Variants in NDST1 observed in about 807,000 individuals in gnomAD.
The protein encoded by NDST1 is N-deacetylase and N-sulfotransferase 1.
In NDST1, 35 loss-of-function variants were observed where a neutral mutation model predicts 92.8. The ratio of observed to expected loss-of-function variants is 0.38; its 90% CI spans 0.29 to 0.50. The LOEUF (loss-of-function observed/expected upper bound fraction) is 0.50. Ranked by LOEUF, NDST1 falls within the 20% of genes least tolerant of loss-of-function variation. The pLI is 0.94. For missense variants in NDST1, 822 were observed against 1,182.7 expected (o/e 0.69, Z 4.47); for synonymous variants, 493 against 500.3 (o/e 0.99, Z 0.19).
At chr5:150,498,006 GT>G (rs1753069015) in exon 1 of NDST1, 3 of 152,536 alleles carry the variant, frequency 2.0e-5, no homozygotes, top group Non-Finnish European at 4.4e-5. Context: ...GCATTTCTGT[GT>G]TTTCTTTTTC....
chr5:150,533,118 CG>C, intron 4 of NDST1, 86 bp downstream of exon 4: 1 of 1,346,966 alleles, frequency 7.4e-7, no homozygotes, highest in Non-Finnish European at 1.1e-6. Context: ...ATGAGGGCAG[CG>C]GGTGGGTTTA....
At chr5:150,500,159 A>T (rs890274418) in intron 1 of NDST1, among the ~76,000 whole-genome samples, 1 of 152,214 alleles carries the variant, frequency 6.6e-6, no homozygotes, top group Admixed American at 6.5e-5. Flanking sequence ...GAGAGGTTGC[A>T]ATTGTTCTGG....
In NDST1 at chr5:150,513,749, C is replaced by T. The variant is rs980896002; in HGVS notation, c.-388+5523C>T. 7.2e-5 allele frequency among the ~76,000 whole-genome samples: 11 copies of T among 152,350 alleles called. No individual in the cohort carries two copies. The South Asian group carries it at 1.9e-3, about 26-fold the overall frequency. On this transcript the variant is annotated intron_variant, in intron 1 of 14. Coordinates refer to ENST00000261797, the MANE Select transcript of NDST1 (RefSeq NM_001543.5). ...CCACCCATTCATCACAGGCCCAAGC[C>T]GGACCCCCTTCCCTGGTCCCAGTCT...
rs1209242371 is a variant in NDST1 at position 150,553,494 on chromosome 5, T to C, written c.*162T>C. On this transcript the variant is annotated 3_prime_UTR_variant, in exon 15 of 15. Coordinates refer to ENST00000261797, the MANE Select transcript of NDST1 (RefSeq NM_001543.5). This position sits in a 1 kb window ranked among gnomAD's most constrained non-coding sequence, Gnocchi z 4.2. ...GGCTGGGGGAGCACCCAGGCGGATC[T>C]GCAAGCACCTCGGAGCACCCACCGC... 21 of 996,282 alleles carry C rather than the reference T, an allele frequency of 2.1e-5. No homozygotes were observed. The highest frequency in any genetic ancestry group is 3.1e-5 in the Non-Finnish European group (20 of 646,618). The allele number at this position is 996,282 out of a possible 1,614,324, so 61.7% of individuals were successfully genotyped here.
intron 1 of NDST1, among the ~76,000 whole-genome samples, chr5:150,508,508 G>A (rs1355741630): frequency 1.3e-5 from 2 of 152,174 alleles, no homozygotes; most frequent in African/African-American, 4.8e-5. Context: ...GGAGGCTGAG[G>A]GATGGGAAGG....
chr5:150,546,005 T>TC (rs1755465637), intron 11 of NDST1, among the ~76,000 whole-genome samples: 1 of 147,662 alleles, frequency 6.8e-6, no homozygotes, highest in Non-Finnish European at 1.5e-5. Flanking sequence ...TTTTTTTTTT[T>TC]TTTTTTTTTT....
chr5:150,508,370 G>C (rs1384114640), intron 1 of NDST1, 144 bp downstream of exon 1: 1 of 153,922 alleles, frequency 6.5e-6, no homozygotes, highest in Non-Finnish European at 1.4e-5. Context: ...AGGGATCTGG[G>C]GGTACAGGCT....
Position 150,545,234 on chromosome 5 carries a change from C to T in NDST1, c.1971-78C>T. ...TCTCTGAGGACATTCTACCCCAGTG[C>T]CTCGCCCTTGTGCTGCATTCCCTTA... is the stretch of plus-strand genomic sequence containing the variant. On this transcript the variant is annotated intron_variant, in intron 10 of 14. Coordinates refer to ENST00000261797, the MANE Select transcript of NDST1 (RefSeq NM_001543.5). 5 of 1,531,010 alleles carry T rather than the reference C, an allele frequency of 3.3e-6. No individual in the cohort carries two copies. The South Asian group carries it at 5.6e-5, about 17-fold the overall frequency. The allele number at this position is 1,531,010 out of a possible 1,614,324, so 94.8% of individuals were successfully genotyped here.
At chr5:150,539,187 C>G (rs4958646) in intron 6 of NDST1, 41 bp from the exon 7 acceptor site, 1 of 1,537,498 alleles carries the variant, frequency 6.5e-7, no homozygotes, top group South Asian at 1.1e-5. Context: ...CACCCTCATG[C>G]CAGAAGGCAC....
chr5:150,542,771 A>T (rs928584783), intron 9 of NDST1, 77 bp from the exon 10 acceptor site: 1 of 1,598,814 alleles, frequency 6.3e-7, no homozygotes, highest in African/African-American at 1.3e-5. Flanking sequence ...GGTCGTGGGG[A>T]GCTAGGCCCA....
chr5:150,519,974 G>C (rs77243364), intron 1 of NDST1, among the ~76,000 whole-genome samples: 3,691 of 152,208 alleles, frequency 0.024, 55 homozygotes, highest in African/African-American at 0.037. Context: ...GGTCCAGGGC[G>C]GGGGAGGCCT....
At chr5:150,548,692 G>C (rs1241737545) in intron 12 of NDST1, among the ~76,000 whole-genome samples, 1 of 152,014 alleles carries the variant, frequency 6.6e-6, no homozygotes, top group Non-Finnish European at 1.5e-5. Flanking sequence ...GTGAGCCACT[G>C]TACCCAGCTA....
At position 150,521,351 on chromosome 5, in the gene NDST1, A is replaced by G. The variant is rs982673060; in HGVS notation, c.97A>G (p.Ile33Val). The G allele has an allele frequency of 6.2e-7, 1 of 1,613,370 alleles. No homozygotes were observed. The highest frequency in any genetic ancestry group is 8.5e-7 in the Non-Finnish European group (1 of 1,179,860). Residue 33 changes from isoleucine to valine, a missense_variant, in exon 2 of 15, where the codon ATC becomes GTC. Transcript: ENST00000261797. The surrounding 1 kb of genome is among the most constrained non-coding windows in gnomAD (Gnocchi z 5.9). ...CATCTTCTGCCTGTTCAGCGTTTTC[A>G]TCTCGGCCTACTACCTATATGGCTG... is the stretch of plus-strand genomic sequence containing the variant. ...LFIFCLFSVF[I>V]SAYYLYGWKR...
intron 10 of NDST1, among the ~76,000 whole-genome samples, chr5:150,545,102 G>A (rs1561606847): frequency 6.6e-6 from 1 of 152,150 alleles, no homozygotes; most frequent in Non-Finnish European, 1.5e-5. Context: ...GAGTCTTCTG[G>A]AAAAGGAACG....
At chr5:150,523,992 G>A (rs1754358012) in intron 2 of NDST1, among the ~76,000 whole-genome samples, 2 of 152,162 alleles carry the variant, frequency 1.3e-5, no homozygotes, top group Non-Finnish European at 2.9e-5. Flanking sequence ...CAACTTCCCC[G>A]CTGTGTGCTG....
intron 2 of NDST1, among the ~76,000 whole-genome samples, chr5:150,523,833 G>A (rs1754350937): frequency 6.6e-6 from 1 of 152,292 alleles, no homozygotes; most frequent in Middle Eastern, 3.4e-3. Context: ...CTCATCGTGG[G>A]GCCAGTGGTA....
upstream of NDST1, among the ~76,000 whole-genome samples, chr5:150,505,070 G>A (rs893714656): frequency 6.6e-6 from 1 of 152,200 alleles, no homozygotes; most frequent in Non-Finnish European, 1.5e-5. Context: ...ATGTGATACC[G>A]CAGCAATGCC....
rs999854172 is a variant in NDST1, at chr5:150,557,183, G to C, written c.*3851G>C. ...GGGGCCAGTTAGAGCAAGAGCTCTG[G>C]GGGGGCCGGAAAGTCTCCCTGGAGA... On this transcript the variant is annotated 3_prime_UTR_variant, in exon 15 of 15. Coordinates refer to ENST00000261797, the MANE Select transcript of NDST1 (RefSeq NM_001543.5). The surrounding 1 kb of genome is among the most constrained non-coding windows in gnomAD (Gnocchi z 4.7). 2.0e-5 allele frequency: 3 copies of C among 152,572 alleles called. No homozygotes were observed. The highest frequency in any genetic ancestry group is 4.8e-5 in the African/African-American group (2 of 41,458). 9.5% of individuals were successfully genotyped at this position (152,572 alleles called of 1,614,324 possible).
chr5:150,528,302 T>A lies in NDST1; in HGVS notation c.1008+4T>A, dbSNP rs373601395. 99 of 1,584,788 alleles carry A rather than the reference T, an allele frequency of 6.2e-5. No homozygotes were observed. In the African/African-American group the frequency reaches 1.3e-3, roughly 20 times the overall value. On this transcript the variant is annotated splice_donor_region_variant and intron_variant, in intron 3 of 14. Transcript: ENST00000261797. Reference sequence around the variant, plus strand: ...CATGAAGGTGGAGGACGTGAAGGTATGGCCGGGGGTGCTAGACCGGGCAAG... The same window carrying A: ...CATGAAGGTGGAGGACGTGAAGGTAAGGCCGGGGGTGCTAGACCGGGCAAG...
Sources: allele counts gnomAD v4.1 joint callset (sites outside exome capture counted in the v4.1 genomes callset), GRCh38; gene constraint gnomAD v4.1.1; non-coding constraint Gnocchi (gnomAD v3.1); transcripts MANE v1.5; gene names NCBI Gene and HGNC (gene_info 2026-07-23, HGNC 2026-07-21).